Variants in CCSER1 observed in about 807,000 individuals in gnomAD.
CCSER1 encodes the protein coiled-coil serine rich protein 1.
CCSER1 carries 41 observed loss-of-function variants against 82.0 expected under a neutral mutation model. That is an observed-to-expected ratio of 0.50 (90% CI 0.39 to 0.65). CCSER1 has a LOEUF of 0.65. Ranked by LOEUF, CCSER1 falls within the 30% of genes least tolerant of loss-of-function variation. The pLI is 0.00. For synonymous variants in CCSER1, 414 were observed against 383.9 expected (o/e 1.08, Z -0.92); for missense variants, 1,119 against 1,064.2 (o/e 1.05, Z -0.72).
chr4:91,263,814 C>A (rs931945372), intron 10 of CCSER1, among the ~76,000 whole-genome samples: 1 of 151,738 alleles, frequency 6.6e-6, no homozygotes, highest in East Asian at 1.9e-4. Flanking sequence ...TGGAAAAATT[C>A]TCCTACTTCA....
intron 7 of CCSER1, among the ~76,000 whole-genome samples, chr4:90,779,498 CCAATGGTTAG>C (rs1196926728): frequency 1.3e-5 from 2 of 152,076 alleles, no homozygotes; most frequent in African/African-American, 4.8e-5. Context: ...CTTTCTTTTC[CCAATGGTTAG>C]CATTTAACAT....
chr4:91,194,471 C>G (rs2149054163), intron 10 of CCSER1, among the ~76,000 whole-genome samples: 1 of 152,080 alleles, frequency 6.6e-6, no homozygotes, highest in East Asian at 1.9e-4. Context: ...AGAAGAATTT[C>G]AAATCTGAGT....
intron 1 of CCSER1, among the ~76,000 whole-genome samples, chr4:90,268,554 A>C (rs1422309246): frequency 7.9e-5 from 12 of 152,138 alleles, no homozygotes; most frequent in Non-Finnish European, 1.3e-4. Flanking sequence ...GATACACAAA[A>C]AATAAAAAAC....
Position 90,624,822 on chromosome 4 carries a change from A to G in CCSER1, c.1725-3203A>G, listed in dbSNP as rs913217015. Among the ~76,000 whole-genome samples, 3 of 152,210 alleles carry G rather than the reference A, an allele frequency of 2.0e-5. 1 individual carries two copies. The South Asian group carries it at 6.2e-4, about 31-fold the overall frequency. Reference sequence around the variant, plus strand: ...AATTATAAAAACTTGGTTAGCACTCATAAGCAACGAGGCATGTGTAAATAT... The same window carrying G: ...AATTATAAAAACTTGGTTAGCACTCGTAAGCAACGAGGCATGTGTAAATAT... On this transcript the variant is annotated intron_variant, in intron 5 of 10. Coordinates refer to ENST00000509176, the MANE Select transcript of CCSER1 (RefSeq NM_001145065.2).
At chr4:91,365,617 A>C (rs921976599) in intron 10 of CCSER1, among the ~76,000 whole-genome samples, 1 of 152,218 alleles carries the variant, frequency 6.6e-6, no homozygotes, top group African/African-American at 2.4e-5. Flanking sequence ...TTATAAAGGA[A>C]TATTAATTTG....
intron 10 of CCSER1, among the ~76,000 whole-genome samples, chr4:91,443,229 T>C (rs1755314122): frequency 6.6e-6 from 1 of 152,038 alleles, no homozygotes; most frequent in South Asian, 2.1e-4. Context: ...AACCCAAATG[T>C]CCAACAGTGA....
intron 5 of CCSER1, among the ~76,000 whole-genome samples, chr4:90,502,669 GA>G (rs1212311687): frequency 2.7e-5 from 4 of 150,646 alleles, no homozygotes; most frequent in African/African-American, 4.9e-5. Flanking sequence ...TTTTCTCAAG[GA>G]AAAAAAACAA....
At chr4:90,335,166 T>A (rs887947271) in intron 3 of CCSER1, among the ~76,000 whole-genome samples, 1 of 152,214 alleles carries the variant, frequency 6.6e-6, no homozygotes, top group Non-Finnish European at 1.5e-5. Context: ...AAGAAACAAG[T>A]AGCCAGAGAT....
chr4:91,488,508 G>A (rs1411781139), intron 10 of CCSER1, among the ~76,000 whole-genome samples: 1 of 152,158 alleles, frequency 6.6e-6, no homozygotes, highest in Non-Finnish European at 1.5e-5. Context: ...TGGAGGAGGG[G>A]CCTGGTGGGA....
chr4:90,365,789 A>T (rs1184343594), intron 3 of CCSER1, among the ~76,000 whole-genome samples: 5 of 151,934 alleles, frequency 3.3e-5, no homozygotes, highest in African/African-American at 1.2e-4. Flanking sequence ...TACATATTTA[A>T]ATATTCCTGC....
intron 3 of CCSER1, among the ~76,000 whole-genome samples, chr4:90,379,309 G>A (rs895369567): frequency 1.3e-5 from 2 of 152,100 alleles, no homozygotes; most frequent in Admixed American, 1.3e-4. Flanking sequence ...AGGTTTATAC[G>A]GGATGTTTTT....
rs771437450 is a variant in CCSER1, at chr4:91,599,200, TAAAC to T, written c.*147_*150del. On this transcript the variant is annotated 3_prime_UTR_variant, in exon 11 of 11. Transcript: ENST00000509176. ...GTTGTTGGGTTTTTTTTCTTAGTCA[TAAAC>T]AAAGACTTGTGGGTTTTTTTTTTCC... The T allele has an allele frequency of 1.6e-4, 171 of 1,073,044 alleles. No individual in the cohort carries two copies. The highest frequency in any genetic ancestry group is 2.1e-4 in the Non-Finnish European group (163 of 777,738). The allele number at this position is 1,073,044 out of a possible 1,614,324, so 66.5% of individuals were successfully genotyped here.
intron 9 of CCSER1, among the ~76,000 whole-genome samples, chr4:90,930,798 T>C (rs1423480831): frequency 6.6e-6 from 1 of 151,240 alleles, no homozygotes; most frequent in Non-Finnish European, 1.5e-5. Flanking sequence ...CAGGTACTTG[T>C]TTAAAGTAAA....
chr4:91,565,298 T>C (rs975737533), intron 10 of CCSER1, among the ~76,000 whole-genome samples: 1 of 152,138 alleles, frequency 6.6e-6, no homozygotes, highest in African/African-American at 2.4e-5. Flanking sequence ...TTTTGTTTAC[T>C]GTATCCTTGT....
At chr4:90,339,354 A>G (rs1056112777) in intron 3 of CCSER1, among the ~76,000 whole-genome samples, 2 of 151,730 alleles carry the variant, frequency 1.3e-5, no homozygotes, top group Non-Finnish European at 2.9e-5. Flanking sequence ...CTTTTGGTTC[A>G]CTCTTGCTTG....
intron 10 of CCSER1, among the ~76,000 whole-genome samples, chr4:91,120,861 A>G (rs1727023625): frequency 6.6e-6 from 1 of 151,854 alleles, no homozygotes; most frequent in Non-Finnish European, 1.5e-5. Flanking sequence ...AAACCAGGAA[A>G]ATCAGGGGAT....
intron 10 of CCSER1, among the ~76,000 whole-genome samples, chr4:91,183,090 T>G (rs150121929): frequency 6.6e-5 from 10 of 152,354 alleles, no homozygotes; most frequent in Non-Finnish European, 1.2e-4. Flanking sequence ...GTATGAGCCC[T>G]AATGTGAGTG....
chr4:90,246,963 G>C (rs115328716), intron 1 of CCSER1, among the ~76,000 whole-genome samples: 2 of 151,762 alleles, frequency 1.3e-5, no homozygotes, highest in South Asian at 2.1e-4. Context: ...CCAGCATCAC[G>C]GGGGCCATTA....
intron 9 of CCSER1, among the ~76,000 whole-genome samples, chr4:91,022,854 G>T (rs1340781485): frequency 6.6e-6 from 1 of 152,114 alleles, no homozygotes; most frequent in Non-Finnish European, 1.5e-5. Flanking sequence ...TTTTGATGGG[G>T]TTGTTTATTT....
Sources: gnomAD v4.1 joint callset for allele counts (sites outside exome capture counted in the v4.1 genomes callset) on GRCh38, gnomAD v4.1.1 for gene constraint, MANE v1.5 for transcripts, NCBI Gene and HGNC (gene_info 2026-07-23, HGNC 2026-07-21) for gene names.